PHKB: variants seen among roughly 807,000 people sequenced by gnomAD.
PHKB encodes the protein phosphorylase b kinase regulatory subunit beta.
Under a neutral mutation model 152.1 loss-of-function variants are expected in PHKB, and 122 were observed. The ratio of observed to expected loss-of-function variants is 0.80; its 90% CI spans 0.69 to 0.93. PHKB has a LOEUF of 0.93. Ranked by LOEUF, PHKB falls within the 40% of genes least tolerant of loss-of-function variation. PHKB has a pLI of 0.00. For missense variants in PHKB, 1,304 were observed against 1,328.4 expected, an observed-to-expected ratio of 0.98 and a Z score of 0.29; for synonymous variants, 436 against 464.9, an observed-to-expected ratio of 0.94 and a Z score of 0.80.
intron 7 of PHKB, among the ~76,000 whole-genome samples, chr16:47,553,099 G>A (rs1971302923): frequency 6.6e-6 from 1 of 152,080 alleles, no homozygotes; most frequent in South Asian, 2.1e-4. Flanking sequence ...GGTTGGGGAA[G>A]TTCTCCTGGA....
chr16:47,499,608 T>C, intron 2 of PHKB, 148 bp from the exon 3 acceptor site: 1 of 906,004 alleles, frequency 1.1e-6, no homozygotes, highest in Non-Finnish European at 1.8e-6. Flanking sequence ...ATGAAGTTGT[T>C]TCCACATCTT....
In PHKB at chr16:47,556,339, C is replaced by A. The variant is rs147014302; in HGVS notation, c.710+8791C>A. ...GAGTGGTGAGAGAGGGCATCCCTGT[C>A]TTGTGCCCATATTCAAAGGGAATGC... On this transcript the variant is annotated intron_variant, in intron 7 of 30. Coordinates refer to ENST00000323584, the MANE Select transcript of PHKB (RefSeq NM_000293.3). Among the ~76,000 whole-genome samples the A allele has an allele frequency of 3.1e-4, 47 of 152,312 alleles. 1 individual carries two copies. The East Asian group carries it at 9.0e-3, about 29-fold the overall frequency.
intron 14 of PHKB, among the ~76,000 whole-genome samples, chr16:47,633,255 T>G (rs1972857744): frequency 6.6e-6 from 1 of 152,172 alleles, no homozygotes. Flanking sequence ...TTTGCAAACA[T>G]TTGTTGGGTA....
chr16:47,593,422 A>G (rs1972065081), intron 10 of PHKB, 78 bp from the exon 11 acceptor site: 3 of 815,530 alleles, frequency 3.7e-6, no homozygotes, highest in Admixed American at 4.0e-5. Context: ...CCTGGGCCAC[A>G]GAGTGAGATC....
chr16:47,488,564 T>G (rs1970089890), intron 1 of PHKB, among the ~76,000 whole-genome samples: 1 of 152,238 alleles, frequency 6.6e-6, no homozygotes, highest in Admixed American at 6.5e-5. Flanking sequence ...CTTCTAGGGT[T>G]TTTATGGTTT....
intron 20 of PHKB, among the ~76,000 whole-genome samples, chr16:47,659,626 A>G (rs1216945281): frequency 6.6e-6 from 1 of 152,114 alleles, no homozygotes; most frequent in African/African-American, 2.4e-5. Context: ...ATAATCAGAA[A>G]CTTATGGAAA....
At chr16:47,687,850 G>T (rs1040013998) in intron 26 of PHKB, among the ~76,000 whole-genome samples, 1 of 152,198 alleles carries the variant, frequency 6.6e-6, no homozygotes, top group Non-Finnish European at 1.5e-5. Flanking sequence ...ATGTTACCCT[G>T]TGGCTTATGG....
At chr16:47,593,122 GGAGA>G (rs1013175169) in intron 10 of PHKB, among the ~76,000 whole-genome samples, 12 of 146,440 alleles carry the variant, frequency 8.2e-5, no homozygotes, top group Admixed American at 6.2e-4. Context: ...GGGGGGGGAG[GGAGA>G]GAGAGAGAGA....
rs76466230 is a variant in PHKB at position 47,668,700 on chromosome 16, A to C, written c.2428-515A>C. ...TTTTAACCCTCACCAGGCACCTTGCATTATGCCCAGAAAAATGAGGGCTAC... is the reference window on the plus strand; with the variant it reads ...TTTTAACCCTCACCAGGCACCTTGCCTTATGCCCAGAAAAATGAGGGCTAC... On this transcript the variant is annotated intron_variant, in intron 25 of 30. Transcript: ENST00000323584. Among the ~76,000 whole-genome samples the C allele has an allele frequency of 1.4e-4, 21 of 152,280 alleles. No individual in the cohort carries two copies. The East Asian group carries it at 3.9e-3, about 28-fold the overall frequency.
intron 27 of PHKB, among the ~76,000 whole-genome samples, chr16:47,689,426 T>C (rs1489260712): frequency 2.6e-5 from 4 of 152,216 alleles, no homozygotes; most frequent in Non-Finnish European, 4.4e-5. Context: ...TCTTCATTTT[T>C]ATTATTCTGT....
intron 28 of PHKB, among the ~76,000 whole-genome samples, chr16:47,695,053 G>A (rs1302339347): frequency 6.6e-6 from 1 of 152,182 alleles, no homozygotes; most frequent in Non-Finnish European, 1.5e-5. Flanking sequence ...CAGTTTGACA[G>A]AAGAGGACAC....
At chr16:47,633,484 C>G (rs9921690) in intron 14 of PHKB, among the ~76,000 whole-genome samples, 1 of 152,176 alleles carries the variant, frequency 6.6e-6, no homozygotes, top group Non-Finnish European at 1.5e-5. Flanking sequence ...AAAGGCATGG[C>G]ATGAGGTGAT....
intron 13 of PHKB, among the ~76,000 whole-genome samples, chr16:47,602,542 C>CTTTTTTTTTT (rs34655174): frequency 3.9e-3 from 474 of 122,490 alleles, no homozygotes; most frequent in Non-Finnish European, 5.7e-3. Flanking sequence ...GCTTCTCTTC[C>CTTTTTTTTTT]TTTTTTTTTT....
chr16:47,657,116 A>G (rs555388784), intron 20 of PHKB, among the ~76,000 whole-genome samples: 2 of 151,878 alleles, frequency 1.3e-5, no homozygotes, highest in Admixed American at 1.3e-4. Flanking sequence ...AATGTTTGCT[A>G]TGGCTCTTCT....
At chr16:47,651,977 A>G (rs1973244801) in intron 20 of PHKB, among the ~76,000 whole-genome samples, 1 of 151,914 alleles carries the variant, frequency 6.6e-6, no homozygotes, top group African/African-American at 2.4e-5. Context: ...ATTCTGTCCT[A>G]TGGATGTTTC....
At chr16:47,626,665 G>A (rs930617349) in intron 14 of PHKB, among the ~76,000 whole-genome samples, 1 of 152,176 alleles carries the variant, frequency 6.6e-6, no homozygotes, top group Non-Finnish European at 1.5e-5. Flanking sequence ...CTGCTTCTGG[G>A]ACTGCCACTA....
intron 4 of PHKB, among the ~76,000 whole-genome samples, chr16:47,510,973 A>G (rs1052373527): frequency 2.6e-5 from 4 of 152,206 alleles, no homozygotes; most frequent in Admixed American, 2.6e-4. Context: ...AATGTTTGCC[A>G]TGTTGAATTG....
chr16:47,602,716 A>G (rs113883758), intron 13 of PHKB, among the ~76,000 whole-genome samples: 1 of 152,032 alleles, frequency 6.6e-6, no homozygotes, highest in African/African-American at 2.4e-5. Flanking sequence ...TTAATTTTTT[A>G]TTTTTATGTT....
intron 10 of PHKB, among the ~76,000 whole-genome samples, chr16:47,593,106 A>G (rs1972056245): frequency 6.7e-6 from 1 of 148,800 alleles, no homozygotes; most frequent in African/African-American, 2.5e-5. Flanking sequence ...GAAAGAAAGA[A>G]AAAGAGGGGG....
Sources: gnomAD v4.1 joint callset for allele counts (sites outside exome capture counted in the v4.1 genomes callset) on GRCh38, gnomAD v4.1.1 for gene constraint, MANE v1.5 for transcripts, NCBI Gene and HGNC (gene_info 2026-07-23, HGNC 2026-07-21) for gene names.